The following KIRREL1 variants were observed in gnomAD, a reference collection of about 807,000 sequenced individuals.
KIRREL1 encodes the protein kin of IRRE-like protein 1.
KIRREL1 carries 25 observed loss-of-function variants against 83.3 expected under a neutral mutation model. The ratio of observed to expected loss-of-function variants is 0.30; its 90% CI spans 0.22 to 0.42. The LOEUF (loss-of-function observed/expected upper bound fraction) is 0.42, where lower values mean the gene tolerates loss of function less well. KIRREL1 is among the 10% of genes least tolerant of loss of function. The pLI is 1.00. For missense variants in KIRREL1, 812 were observed against 1,032.3 expected, an observed-to-expected ratio of 0.79 and a Z score of 2.92; for synonymous variants, 388 against 410.4, an observed-to-expected ratio of 0.95 and a Z score of 0.66.
chr1:158,029,843 T>C (rs1348321625), intron 1 of KIRREL1, among the ~76,000 whole-genome samples: 2 of 152,254 alleles, frequency 1.3e-5, no homozygotes, highest in African/African-American at 2.4e-5. Context: ...AGTGAGATAG[T>C]ATAAGTAAAG....
intron 5 of KIRREL1, among the ~76,000 whole-genome samples, chr1:158,087,424 G>A (rs564122335): frequency 6.6e-6 from 1 of 152,144 alleles, no homozygotes; most frequent in South Asian, 2.1e-4. Context: ...AGGGAACCAT[G>A]GGGGTGTGGG....
chr1:158,014,002 G>C (rs1452576112), intron 1 of KIRREL1, among the ~76,000 whole-genome samples: 4 of 152,114 alleles, frequency 2.6e-5, no homozygotes, highest in African/African-American at 9.7e-5. Context: ...CCCTCCTAAG[G>C]GGCCTATTCT....
Position 158,095,315 on chromosome 1 carries a change from G to A in KIRREL1, c.*195G>A, listed in dbSNP as rs1553244846. On this transcript the variant is annotated 3_prime_UTR_variant, in exon 15 of 15. Transcript: ENST00000359209. ...TGCTCTGTGCATGCCCCAGCCTCCT[G>A]GGCCTGCCCTTCCCTCTTCTTCGGG... The A allele has an allele frequency of 3.6e-6, 2 of 551,112 alleles. No homozygotes were observed. The highest frequency in any genetic ancestry group is 6.4e-6 in the Non-Finnish European group (2 of 312,386). 34.1% of individuals were successfully genotyped at this position (551,112 alleles called of 1,614,324 possible). A position where few individuals can be genotyped will look rare whatever the true frequency, so the allele number is the denominator to read the frequency against.
intron 1 of KIRREL1, among the ~76,000 whole-genome samples, chr1:158,075,741 C>T (rs1661660886): frequency 6.6e-6 from 1 of 152,130 alleles, no homozygotes; most frequent in African/African-American, 2.4e-5. Flanking sequence ...AGGTTCTAAT[C>T]CCAGCTCTGC....
At chr1:158,003,130 CG>C (rs1557984474) in intron 1 of KIRREL1, among the ~76,000 whole-genome samples, 2 of 152,074 alleles carry the variant, frequency 1.3e-5, no homozygotes, top group African/African-American at 4.8e-5. Flanking sequence ...AGGAACAGCC[CG>C]GGGCCTTGCT....
At chr1:158,034,366 C>A (rs996693678) in intron 1 of KIRREL1, among the ~76,000 whole-genome samples, 2 of 151,976 alleles carry the variant, frequency 1.3e-5, no homozygotes, top group Non-Finnish European at 2.9e-5. Flanking sequence ...ATTCCCCTTT[C>A]CCAATTTTCA....
intron 1 of KIRREL1, among the ~76,000 whole-genome samples, chr1:158,075,462 G>A (rs1661652218): frequency 6.6e-6 from 1 of 152,244 alleles, no homozygotes; most frequent in East Asian, 1.9e-4. Flanking sequence ...CAGGGCACAT[G>A]TGCCAAGAAG....
intron 3 of KIRREL1, among the ~76,000 whole-genome samples, chr1:158,083,521 G>T (rs1661926149): frequency 6.6e-6 from 1 of 152,244 alleles, no homozygotes; most frequent in Middle Eastern, 3.2e-3. Context: ...AGGCCGAAAT[G>T]CTTGGAACTT....
In KIRREL1 at chr1:158,090,636, G is replaced by T. The variant is rs74763462; in HGVS notation, c.1273-722G>T. On this transcript the variant is annotated intron_variant, in intron 10 of 14. Transcript: ENST00000359209. The stretch of plus-strand genomic sequence containing the variant: ...CCACTCTGAGGAAGGGGCCACTCAG[G>T]GGAATGGTCCGGCTGAGAAGTCAGG... Among the ~76,000 whole-genome samples the T allele has an allele frequency of 9.0e-3, 1,366 of 152,300 alleles. 17 individuals carry two copies. The highest frequency in any genetic ancestry group is 0.032 in the African/African-American group (1,317 of 41,576).
chr1:158,070,693 A>G (rs1661486526), intron 1 of KIRREL1, among the ~76,000 whole-genome samples: 1 of 152,108 alleles, frequency 6.6e-6, no homozygotes, highest in African/African-American at 2.4e-5. Flanking sequence ...GCTTTGCCTT[A>G]TGGGGTGTGT....
chr1:158,076,089 C>T lies in KIRREL1; in HGVS notation c.53-24C>T, dbSNP rs181320133. ...GAGCCCCTCTCCTTACTCATCTTACCCAGTGCTGGCTTTGGCTTTGCAGGG... is the reference window on the plus strand; with the variant it reads ...GAGCCCCTCTCCTTACTCATCTTACTCAGTGCTGGCTTTGGCTTTGCAGGG... On this transcript the variant is annotated intron_variant, in intron 1 of 14. Coordinates refer to ENST00000359209, the MANE Select transcript of KIRREL1 (RefSeq NM_018240.7). 1.3e-3 allele frequency: 2,090 copies of T among 1,610,212 alleles called. 5 individuals are homozygous for T. Among genetic ancestry groups the T allele is most frequent in the Admixed American group, 1.3e-3 (79 of 59,318 alleles).
At chr1:158,028,900 C>G (rs1421993892) in intron 1 of KIRREL1, among the ~76,000 whole-genome samples, 3 of 152,196 alleles carry the variant, frequency 2.0e-5, no homozygotes, top group African/African-American at 7.2e-5. Context: ...GTACATTCCA[C>G]TGCACAACAC....
chr1:158,003,838 T>C (rs1335482159), intron 1 of KIRREL1, among the ~76,000 whole-genome samples: 1 of 152,078 alleles, frequency 6.6e-6, no homozygotes, highest in Non-Finnish European at 1.5e-5. Flanking sequence ...CAAAGCCAAG[T>C]TGAAATGACT....
chr1:158,050,007 A>C (rs1230391241), intron 1 of KIRREL1, among the ~76,000 whole-genome samples: 1 of 152,166 alleles, frequency 6.6e-6, no homozygotes, highest in Non-Finnish European at 1.5e-5. Flanking sequence ...CAATTCCTGG[A>C]AATCCCTGGA....
At chr1:157,999,479 G>A (rs1357413922) in intron 1 of KIRREL1, among the ~76,000 whole-genome samples, 2 of 152,310 alleles carry the variant, frequency 1.3e-5, no homozygotes, top group African/African-American at 4.8e-5. Context: ...GAGACCTAGA[G>A]AAGTTAAATA....
chr1:158,019,140 A>G (rs993934216), intron 1 of KIRREL1, among the ~76,000 whole-genome samples: 1 of 152,164 alleles, frequency 6.6e-6, no homozygotes, highest in Non-Finnish European at 1.5e-5. Context: ...CGGACACGGA[A>G]CAAGGGCACA....
chr1:157,996,015 G>C (rs1024284465), intron 1 of KIRREL1, among the ~76,000 whole-genome samples: 1 of 150,904 alleles, frequency 6.6e-6, no homozygotes, highest in Non-Finnish European at 1.5e-5. Flanking sequence ...CTAGGTCAGG[G>C]ACTGGGGCAG....
intron 1 of KIRREL1, among the ~76,000 whole-genome samples, chr1:158,048,621 G>A (rs140946641): frequency 6.6e-6 from 1 of 152,280 alleles, no homozygotes; most frequent in East Asian, 1.9e-4. Flanking sequence ...GGGAGGTGAA[G>A]TGAAACACCT....
In KIRREL1 at chr1:158,084,648, G is replaced by T. The variant is rs182740068; in HGVS notation, c.510+69G>T. ...AGCTCACCTCTCCTTTCCCACAGGG[G>T]TTTCACCACAGACTCAGGAGCACAC... On this transcript the variant is annotated intron_variant, in intron 4 of 14. Coordinates refer to ENST00000359209, the MANE Select transcript of KIRREL1 (RefSeq NM_018240.7). The T allele has an allele frequency of 2.3e-4, 348 of 1,490,248 alleles. 1 individual carries two copies. Among genetic ancestry groups the T allele is most frequent in the East Asian group, 1.2e-3 (47 of 40,246 alleles). The allele number at this position is 1,490,248 out of a possible 1,614,324, so 92.3% of individuals were successfully genotyped here. A position where few individuals can be genotyped will look rare whatever the true frequency, so the allele number is the denominator to read the frequency against.
Sources: gnomAD v4.1 joint callset for allele counts (sites outside exome capture counted in the v4.1 genomes callset) on GRCh38, gnomAD v4.1.1 for gene constraint, MANE v1.5 for transcripts, NCBI Gene and HGNC (gene_info 2026-07-23, HGNC 2026-07-21) for gene names.